TNS2: variants seen among roughly 807,000 people sequenced by gnomAD.
The protein encoded by TNS2 is tensin 2.
A neutral mutation model predicts 155.7 loss-of-function variants in TNS2; 77 were observed. The observed-to-expected ratio is 0.49, with a 90% CI of 0.41 to 0.60. The LOEUF is 0.60. Ranked by LOEUF, TNS2 falls within the 20% of genes least tolerant of loss-of-function variation. The pLI is 0.00. For synonymous variants in TNS2, 726 were observed against 763.9 expected, an observed-to-expected ratio of 0.95 and a Z score of 0.82; for missense variants, 1,703 against 1,868.8, an observed-to-expected ratio of 0.91 and a Z score of 1.64.
At chr12:53,062,474 C>A in intron 24 of TNS2, 21 bp downstream of exon 24, 1 of 1,612,952 alleles carries the variant, frequency 6.2e-7, no homozygotes, top group South Asian at 1.1e-5. Context: ...GGTCATCTGT[C>A]CTCCCCACCT....
In TNS2 at chr12:53,062,628, G is replaced by A. The variant is rs188282581; in HGVS notation, c.3754G>A (p.Glu1252Lys). 5.0e-6 allele frequency: 8 copies of A among 1,614,028 alleles called. No individual in the cohort carries two copies. The highest frequency in any genetic ancestry group is 3.3e-5 in the Admixed American group (2 of 60,016). Residue 1252 changes from glutamate (E) to lysine (K), a missense_variant, in exon 25 of 29, where the codon GAA (glutamate) becomes AAA (lysine). Physicochemically the swap from Glu to Lys is moderately conservative, Grantham distance 56. Coordinates refer to ENST00000314250, the MANE Select transcript of TNS2 (RefSeq NM_170754.4). Reference sequence around the variant, plus strand: ...GTTCTCATTGCCCTCAGATCCTCTGGAAGAGACCCCAGAGGCTCCAGTGCC... The same window carrying A: ...GTTCTCATTGCCCTCAGATCCTCTGAAAGAGACCCCAGAGGCTCCAGTGCC... ...CLRIPSKDPL[E>K]ETPEAPVPTN...
rs534699130 is a variant in TNS2, at chr12:53,058,680, C to T, written c.1292-34C>T. On this transcript the variant is annotated intron_variant, in intron 16 of 28. Transcript: ENST00000314250. ...GGCTGGGGACTGAGGGCCGCCTCTC[C>T]CCTGCTCCCCAATACCCGAGTGGCC... The T allele has an allele frequency of 1.5e-5, 24 of 1,613,992 alleles. 1 individual carries two copies. The South Asian group carries it at 2.4e-4, about 16-fold the overall frequency.
rs1308098896 is a variant in TNS2, at chr12:53,059,817, C to T, written c.2176C>T (p.Leu726=). The T allele has an allele frequency of 6.2e-7, 1 of 1,612,836 alleles. No homozygotes were observed. The highest frequency in any genetic ancestry group is 1.7e-5 in the Admixed American group (1 of 59,992). Reference sequence around the variant, plus strand: ...GGCAAGTGAGGCTGGCAAGCCTCTCCTGCACCCAGTGCGGCCTGGGCACCC... The same window carrying T: ...GGCAAGTGAGGCTGGCAAGCCTCTCTTGCACCCAGTGCGGCCTGGGCACCC... ...GWASEAGKPL[L]HPVRPGHPLP... is the part of the protein sequence containing the mutation. The change falls in exon 18 of 29, where the codon CTG becomes TTG. Residue 726 remains leucine, a synonymous_variant. Coordinates refer to ENST00000314250, the MANE Select transcript of TNS2 (RefSeq NM_170754.4). The surrounding 1 kb of genome is among the most constrained non-coding windows in gnomAD (Gnocchi z 4.7).
chr12:53,054,217 GC>G, intron 6 of TNS2, 52 bp from the exon 7 acceptor site: 1 of 1,608,578 alleles, frequency 6.2e-7, no homozygotes, highest in Non-Finnish European at 8.5e-7. Flanking sequence ...CGTCACACTA[GC>G]CACCTCCGGG....
chr12:53,057,886 C>T, intron 13 of TNS2, 53 bp downstream of exon 13: 1 of 1,612,248 alleles, frequency 6.2e-7, no homozygotes, highest in Non-Finnish European at 8.5e-7. Flanking sequence ...GCCCCTCTTG[C>T]TCCTGCATTC....
At chr12:53,062,898 G>A in intron 25 of TNS2, 191 bp from the exon 26 acceptor site, 1 of 919,706 alleles carries the variant, frequency 1.1e-6, no homozygotes, top group Non-Finnish European at 1.6e-6. Context: ...ACGATCATGG[G>A]GTGGTAGCAG....
At chr12:53,049,598 C>G (rs2121046492), upstream of TNS2, among the ~76,000 whole-genome samples, 1 of 152,208 alleles carries the variant, frequency 6.6e-6, no homozygotes, top group South Asian at 2.1e-4. Context: ...AGGAAGGGGG[C>G]CCCCAGTCCC....
chr12:53,060,170 G>T lies in TNS2; in HGVS notation c.2529G>T (p.Lys843Asn). Residue 843 changes from lysine (K) to asparagine (N), a missense_variant, in exon 18 of 29, where the codon AAG becomes AAT. Lys to Asn is a moderately conservative substitution (Grantham distance 94, BLOSUM62 0). Coordinates refer to ENST00000314250, the MANE Select transcript of TNS2 (RefSeq NM_170754.4). The surrounding 1 kb of genome is among the most constrained non-coding windows in gnomAD (Gnocchi z 6.1). ...PGSPPYPQSR[K>N]LSYEIPTEEG... ...GCCCGCCCTATCCACAATCTAGGAA[G>T]CTGAGCTACGAGATCCCTACGGAGG... 1 of 1,605,834 alleles carries T rather than the reference G, an allele frequency of 6.2e-7. No homozygotes were observed. Among genetic ancestry groups the T allele is most frequent in the Non-Finnish European group, 8.5e-7 (1 of 1,175,910 alleles).
In TNS2 at chr12:53,062,069, C is replaced by T. The variant is rs11170391; in HGVS notation, c.3575-84C>T. On this transcript the variant is annotated intron_variant, in intron 22 of 28. Coordinates refer to ENST00000314250, the MANE Select transcript of TNS2 (RefSeq NM_170754.4). ...AGAGGGGAGAGGTAGGAAAAGACCT[C>T]AGCTGCTCGGGAAAGAATCCCATTA... 0.06 allele frequency: 96,243 copies of T among 1,610,810 alleles called. 3,285 individuals are homozygous for T. The highest frequency in any genetic ancestry group is 0.16 in the East Asian group (7,115 of 44,852).
chr12:53,053,710 C>T, intron 4 of TNS2, 64 bp from the exon 5 acceptor site: 1 of 1,587,794 alleles, frequency 6.3e-7, no homozygotes, highest in Non-Finnish European at 8.6e-7. Context: ...GTCCCCAAGG[C>T]CCACATTGGT....
intron 7 of TNS2, among the ~76,000 whole-genome samples, chr12:53,054,830 G>A (rs933583647): frequency 4.7e-4 from 66 of 140,596 alleles, no homozygotes; most frequent in Non-Finnish European, 9.1e-5. Context: ...CGTCACTCAC[G>A]CCCAGCCAAT....
In TNS2 at chr12:53,059,025, C is replaced by T. The variant is rs768839808; in HGVS notation, c.1406-22C>T. ...CCCTGTTCCCCGCTTGCCCTCCCTC[C>T]CTGATCCTCTTCCCCACTCAGGCTC... On this transcript the variant is annotated intron_variant, in intron 17 of 28. Coordinates refer to ENST00000314250, the MANE Select transcript of TNS2 (RefSeq NM_170754.4). The surrounding 1 kb of genome is among the most constrained non-coding windows in gnomAD (Gnocchi z 4.7). The T allele has an allele frequency of 1.7e-5, 26 of 1,539,050 alleles. No individual in the cohort carries two copies. The highest frequency in any genetic ancestry group is 2.0e-5 in the Non-Finnish European group (23 of 1,142,698).
chr12:53,050,077 C>T lies in TNS2; in HGVS notation c.-109C>T. The T allele has an allele frequency of 6.5e-7, 1 of 1,535,796 alleles. No individual in the cohort carries two copies. Among genetic ancestry groups the T allele is most frequent in the Admixed American group, 2.0e-5 (1 of 48,806 alleles). ...CCTCACACCAGCCAGACAGCCTACC[C>T]TCCGCCCAGGGGAAGCGGCTGCCTC... On this transcript the variant is annotated 5_prime_UTR_variant, in exon 1 of 29. Coordinates refer to ENST00000314250, the MANE Select transcript of TNS2 (RefSeq NM_170754.4). This position sits in a 1 kb window ranked among gnomAD's most constrained non-coding sequence, Gnocchi z 4.7.
chr12:53,049,124 A>C (rs1943828991), upstream of TNS2: 2 of 1,534,552 alleles, frequency 1.3e-6, no homozygotes, highest in East Asian at 4.9e-5. Context: ...CCATGTTCCC[A>C]GGAGGGAGGC....
chr12:53,057,955 CCCCTG>C, intron 13 of TNS2, 67 bp from the exon 14 acceptor site: 1 of 1,609,766 alleles, frequency 6.2e-7, no homozygotes, highest in Non-Finnish European at 8.5e-7. Flanking sequence ...CTCCTGGCTC[CCCCTG>C]ACTGCATAGC....
chr12:53,048,461 C>T (rs1943806947), upstream of TNS2, among the ~76,000 whole-genome samples: 1 of 152,224 alleles, frequency 6.6e-6, no homozygotes, highest in Non-Finnish European at 1.5e-5. Flanking sequence ...CCCCACTGCC[C>T]ACCTTGTCAC....
chr12:53,059,914 C>T lies in TNS2; in HGVS notation c.2273C>T (p.Pro758Leu). Residue 758 changes from proline to leucine, a missense_variant, in exon 18 of 29, where the codon CCC becomes CTC. Physicochemically the swap from Pro to Leu is moderately conservative, Grantham distance 98. Transcript: ENST00000314250. The surrounding 1 kb of genome is among the most constrained non-coding windows in gnomAD (Gnocchi z 4.7). ...PMPDYSCLKPPKAGEEGHEGC... is the reference protein window; with the variant it reads ...PMPDYSCLKPLKAGEEGHEGC... ...CCTGACTACAGCTGCCTGAAGCCAC[C>T]CAAGGCAGGCGAGGAAGGGCACGAG... 1 of 1,611,648 alleles carries T rather than the reference C, an allele frequency of 6.2e-7. No homozygotes were observed. Among genetic ancestry groups the T allele is most frequent in the Non-Finnish European group, 8.5e-7 (1 of 1,178,902 alleles).
Position 53,053,403 on chromosome 12 carries a change from CCTTCCAGGTGA to C in TNS2, c.223-3_230del. 1 of 1,614,020 alleles carries C rather than the reference CCTTCCAGGTGA, an allele frequency of 6.2e-7. No individual in the cohort carries two copies. Among genetic ancestry groups the C allele is most frequent in the Non-Finnish European group, 8.5e-7 (1 of 1,179,932 alleles). Reference sequence around the variant, plus strand: ...AGGAGCTCAGTTCCTTACTCGGTCCCCTTCCAGGTGACTTCAGCCTGTCAGGCCTTGCCTCC... The same window carrying C: ...AGGAGCTCAGTTCCTTACTCGGTCCCCTTCAGCCTGTCAGGCCTTGCCTCC... On this transcript the variant is annotated splice_acceptor_variant and splice_polypyrimidine_tract_variant and coding_sequence_variant and intron_variant, in exon 4 of 29. Transcript: ENST00000314250. LOFTEE classifies it high-confidence loss of function.
chr12:53,050,125 C>G lies in TNS2; in HGVS notation c.-61C>G. 1 of 1,581,412 alleles carries G rather than the reference C, an allele frequency of 6.3e-7. No homozygotes were observed. The highest frequency in any genetic ancestry group is 8.6e-7 in the Non-Finnish European group (1 of 1,166,178). On this transcript the variant is annotated 5_prime_UTR_variant, in exon 1 of 29. Transcript: ENST00000314250. The surrounding 1 kb of genome is among the most constrained non-coding windows in gnomAD (Gnocchi z 4.7). Reference sequence around the variant, plus strand: ...CTCCGCCAGGCCGCTTCCAGGAAGCCCCGGGCCAGGCCCCAGCATTGTTCA... The same window carrying G: ...CTCCGCCAGGCCGCTTCCAGGAAGCGCCGGGCCAGGCCCCAGCATTGTTCA...
Sources: allele counts gnomAD v4.1 joint callset (sites outside exome capture counted in the v4.1 genomes callset), GRCh38; gene constraint gnomAD v4.1.1; non-coding constraint Gnocchi (gnomAD v3.1); transcripts MANE v1.5; gene names NCBI Gene and HGNC (gene_info 2026-07-23, HGNC 2026-07-21).